The following CNTN1 variants were observed in gnomAD, a reference collection of about 807,000 sequenced individuals.
CNTN1 encodes the protein contactin-1.
A neutral mutation model predicts 126.4 loss-of-function variants in CNTN1; 38 were observed. That is an observed-to-expected ratio of 0.30 (90% CI 0.23 to 0.39). The LOEUF (loss-of-function observed/expected upper bound fraction) is 0.39. Ranked by LOEUF, CNTN1 falls within the 10% of genes least tolerant of loss-of-function variation. CNTN1 has a pLI of 1.00. For synonymous variants in CNTN1, 413 were observed against 422.6 expected, an observed-to-expected ratio of 0.98 and a Z score of 0.28; for missense variants, 1,009 against 1,248.4, an observed-to-expected ratio of 0.81 and a Z score of 2.89.
intron 6 of CNTN1, 33 bp downstream of exon 6, chr12:40,924,685 T>A: frequency 8.5e-7 from 1 of 1,171,144 alleles, no homozygotes; most frequent in Non-Finnish European, 1.3e-6. Flanking sequence ...TATTAGCATC[T>A]ATGAAACAAA....
chr12:41,041,441 G>T (rs1233000060), intron 23 of CNTN1, among the ~76,000 whole-genome samples: 1 of 152,098 alleles, frequency 6.6e-6, no homozygotes, highest in African/African-American at 2.4e-5. Flanking sequence ...AAATGAGTTA[G>T]GGAGGATTCC....
intron 1 of CNTN1, among the ~76,000 whole-genome samples, chr12:40,732,821 G>A (rs1025612323): frequency 1.3e-5 from 2 of 151,882 alleles, no homozygotes; most frequent in African/African-American, 4.8e-5. Flanking sequence ...TAATCCAGTA[G>A]CATTCTTTGA....
intron 1 of CNTN1, among the ~76,000 whole-genome samples, chr12:40,822,572 G>C (rs573915827): frequency 6.6e-6 from 1 of 152,054 alleles, no homozygotes; most frequent in Non-Finnish European, 1.5e-5. Flanking sequence ...ATTTCTGAGT[G>C]AATTTTTAAA....
chr12:40,907,482 G>A (rs752606444), intron 1 of CNTN1, among the ~76,000 whole-genome samples: 25 of 152,204 alleles, frequency 1.6e-4, no homozygotes, highest in Non-Finnish European at 2.8e-4. Flanking sequence ...AACTTAAGTA[G>A]CAGGGCCCTT....
At chr12:40,793,708 A>G (rs1014619884) in intron 1 of CNTN1, among the ~76,000 whole-genome samples, 12 of 152,030 alleles carry the variant, frequency 7.9e-5, no homozygotes, top group Non-Finnish European at 1.2e-4. Flanking sequence ...GCCACCTGGA[A>G]AATATCTACT....
At chr12:40,797,415 G>C (rs1030195581) in intron 1 of CNTN1, among the ~76,000 whole-genome samples, 5 of 151,940 alleles carry the variant, frequency 3.3e-5, no homozygotes, top group African/African-American at 9.7e-5. Flanking sequence ...AGCATCCCAG[G>C]CCAAAAGAGC....
At chr12:40,977,307 T>C (rs937130915) in intron 15 of CNTN1, among the ~76,000 whole-genome samples, 1 of 152,140 alleles carries the variant, frequency 6.6e-6, no homozygotes, top group Non-Finnish European at 1.5e-5. Context: ...AGCCTTCAGG[T>C]AGCAAGCTTC....
chr12:40,898,918 A>G (rs2035252247), intron 1 of CNTN1, among the ~76,000 whole-genome samples: 1 of 152,250 alleles, frequency 6.6e-6, no homozygotes, highest in Non-Finnish European at 1.5e-5. Context: ...AATCCTATGC[A>G]GCAGCATTAG....
intron 4 of CNTN1, among the ~76,000 whole-genome samples, chr12:40,920,715 A>G (rs1217554615): frequency 6.6e-6 from 1 of 152,144 alleles, no homozygotes; most frequent in South Asian, 2.1e-4. Flanking sequence ...GAGAGGTACA[A>G]CAGGGTACTT....
chr12:40,848,827 T>G (rs865832361), intron 1 of CNTN1, among the ~76,000 whole-genome samples: 1,137 of 47,944 alleles, frequency 0.024, 15 homozygotes, highest in African/African-American at 0.067. Flanking sequence ...CCAGGTGTGT[T>G]TTTTTTTTTT....
chr12:41,010,883 A>G (rs760775435), intron 17 of CNTN1, among the ~76,000 whole-genome samples: 19 of 151,328 alleles, frequency 1.3e-4, no homozygotes, highest in Non-Finnish European at 2.8e-4. Context: ...TTTTAGAGGA[A>G]CTGCTTCCCT....
chr12:40,878,652 CTATT>C (rs1480542089), intron 1 of CNTN1, among the ~76,000 whole-genome samples: 1 of 152,150 alleles, frequency 6.6e-6, no homozygotes, highest in East Asian at 1.9e-4. Flanking sequence ...AAACTTTTGT[CTATT>C]TTCCATTTTC....
chr12:40,828,136 A>C (rs1010970278), intron 1 of CNTN1: 1 of 152,164 alleles, frequency 6.6e-6, no homozygotes. Context: ...TGGCTGAAGG[A>C]TGGGAGCGGC....
chr12:40,725,397 GTC>G (rs1259977982), intron 1 of CNTN1, among the ~76,000 whole-genome samples: 1 of 59,696 alleles, frequency 1.7e-5, no homozygotes, highest in African/African-American at 6.8e-5. Flanking sequence ...GTGAAACTCT[GTC>G]TCAAAAAAAA....
At chr12:40,970,261 A>G (rs1947459155) in intron 15 of CNTN1, among the ~76,000 whole-genome samples, 2 of 152,054 alleles carry the variant, frequency 1.3e-5, no homozygotes, top group Non-Finnish European at 1.5e-5. Context: ...TTAAAATCTC[A>G]AATCACAGAT....
intron 1 of CNTN1, among the ~76,000 whole-genome samples, chr12:40,824,394 A>C (rs1433030623): frequency 6.6e-6 from 1 of 152,148 alleles, no homozygotes; most frequent in African/African-American, 2.4e-5. Context: ...AAATAAATTA[A>C]TGTTTCTAAA....
At chr12:41,028,967 A>C in intron 22 of CNTN1, 96 bp from the exon 23 acceptor site, 1 of 1,175,248 alleles carries the variant, frequency 8.5e-7, no homozygotes, top group Non-Finnish European at 1.3e-6. Context: ...ACTTTTTGTT[A>C]ATCAAAGTAT....
intron 1 of CNTN1, among the ~76,000 whole-genome samples, chr12:40,716,219 T>C: frequency 6.7e-6 from 1 of 148,654 alleles, no homozygotes; most frequent in South Asian, 2.1e-4. Flanking sequence ...TTCCATTCCT[T>C]CTCTCTCTCT....
chr12:40,927,036 G>T (rs895590008), intron 6 of CNTN1, among the ~76,000 whole-genome samples: 1 of 151,938 alleles, frequency 6.6e-6, no homozygotes, highest in Non-Finnish European at 1.5e-5. Flanking sequence ...GATGTCGGGG[G>T]TGATGGAATA....
Sources: allele counts gnomAD v4.1 joint callset (sites outside exome capture counted in the v4.1 genomes callset), GRCh38; gene constraint gnomAD v4.1.1; transcripts MANE v1.5; gene names NCBI Gene and HGNC (gene_info 2026-07-23, HGNC 2026-07-21).